The following IFT172 variants were observed in gnomAD, a reference collection of about 807,000 sequenced individuals.
IFT172 encodes intraflagellar transport protein 172 homolog.
A neutral mutation model predicts 248.9 loss-of-function variants in IFT172; 164 were observed. That is an observed-to-expected ratio of 0.66 (90% CI 0.58 to 0.75). The LOEUF is 0.75. IFT172 is among the 30% of genes least tolerant of loss of function. The probability of loss-of-function intolerance (pLI) is 0.00; values close to 1 mark genes in which losing one functional copy is unlikely to be tolerated. For missense variants in IFT172, 1,950 were observed against 2,192.4 expected, an observed-to-expected ratio of 0.89 and a Z score of 2.21; for synonymous variants, 729 against 791.6, an observed-to-expected ratio of 0.92 and a Z score of 1.33.
Position 27,489,743 on chromosome 2 carries a change from T to C in IFT172, c.-90A>G. On this transcript the variant is annotated 5_prime_UTR_variant, in exon 1 of 48. Transcript: ENST00000260570. ...GCCACGCAGCCGCAGCGACAGGCACTGACGCTTATGCGACCGGAGCGCAAC... is the reference window on the plus strand; with the variant it reads ...GCCACGCAGCCGCAGCGACAGGCACCGACGCTTATGCGACCGGAGCGCAAC... 2 of 980,792 alleles carry C rather than the reference T, an allele frequency of 2.0e-6. No individual in the cohort carries two copies. Among genetic ancestry groups the C allele is most frequent in the Non-Finnish European group, 3.2e-6 (2 of 634,110 alleles). 60.8% of individuals were successfully genotyped at this position (980,792 alleles called of 1,614,324 possible).
Position 27,453,652 on chromosome 2 carries a change from C to T in IFT172, c.3799G>A (p.Glu1267Lys). The T allele has an allele frequency of 4.3e-6, 7 of 1,612,338 alleles. No homozygotes were observed. Among genetic ancestry groups the T allele is most frequent in the Non-Finnish European group, 5.9e-6 (7 of 1,179,356 alleles). The part of the protein sequence containing the change: ...LEALQEEYER[E>K]ATKKGARGVE... ...TACCTGGCCCCCTTCTTAGTAGCTT[C>T]CCGCTCATATTCTTCCTGCAGAGCC... Residue 1267 changes from glutamate (E) to lysine (K), a missense_variant, in exon 34 of 48, where the codon GAA (glutamate) becomes AAA (lysine). Physicochemically the swap from Glu to Lys is moderately conservative, Grantham distance 56. This residue lies in a region of IFT172 where 620 missense variants were observed against 699.0 expected (regional missense o/e 0.89). Transcript: ENST00000260570.
intron 15 of IFT172, chr2:27,471,375 T>C (rs1464416387): frequency 3.3e-6 from 1 of 307,532 alleles, no homozygotes; most frequent in African/African-American, 2.2e-5. Context: ...AGTTACCAGC[T>C]TGGATTACAA....
chr2:27,473,330 A>G (rs1429161715), intron 14 of IFT172, among the ~76,000 whole-genome samples: 1 of 142,738 alleles, frequency 7.0e-6, no homozygotes, highest in Non-Finnish European at 1.5e-5. Context: ...AGATCGCGCC[A>G]CTTCACTCCA....
At chr2:27,469,125 G>A (rs1381004750) in intron 16 of IFT172, among the ~76,000 whole-genome samples, 1 of 152,178 alleles carries the variant, frequency 6.6e-6, no homozygotes, top group South Asian at 2.1e-4. Flanking sequence ...TGGGCGCAGT[G>A]GCTCATGTCT....
Position 27,447,760 on chromosome 2 carries a change from C to T in IFT172, c.4539+52G>A, listed in dbSNP as rs117377058. 1.1e-5 allele frequency: 17 copies of T among 1,599,002 alleles called. 1 individual carries two copies. In the East Asian group the frequency reaches 3.8e-4, roughly 36 times the overall value. On this transcript the variant is annotated intron_variant, in intron 41 of 47. Coordinates refer to ENST00000260570, the MANE Select transcript of IFT172 (RefSeq NM_015662.3). ...TCTGAGAATAAAGGTTTATGTGCAT[C>T]AAAGAAGAGATGAGGACAAGGACAG...
Position 27,457,882 on chromosome 2 carries a change from G to A in IFT172, c.3070C>T (p.His1024Tyr), listed in dbSNP as rs1015472885. 1 of 1,614,022 alleles carries A rather than the reference G, an allele frequency of 6.2e-7. No individual in the cohort carries two copies. The highest frequency in any genetic ancestry group is 8.5e-7 in the Non-Finnish European group (1 of 1,180,010). ...TGTGTATCACTGAGGAGATCTGGATGGTGCTTCCCTACCAGGCGGATCATG... is the reference window on the plus strand; with the variant it reads ...TGTGTATCACTGAGGAGATCTGGATAGTGCTTCCCTACCAGGCGGATCATG... ...DDMIRLVGKH[H>Y]PDLLSDTHLH... Residue 1024 changes from histidine to tyrosine, a missense_variant, in exon 28 of 48, where the codon CAT becomes TAT. His to Tyr is a moderately conservative substitution (Grantham distance 83, BLOSUM62 2). This residue lies in a region of IFT172 where 164 missense variants were observed against 239.3 expected (regional missense o/e 0.69). Coordinates refer to ENST00000260570, the MANE Select transcript of IFT172 (RefSeq NM_015662.3).
In IFT172 at chr2:27,454,782, A is replaced by C; in HGVS notation, c.3372-122T>G. On this transcript the variant is annotated intron_variant, in intron 30 of 47. Coordinates refer to ENST00000260570, the MANE Select transcript of IFT172 (RefSeq NM_015662.3). The surrounding 1 kb of genome is among the most constrained non-coding windows in gnomAD (Gnocchi z 4.2). ...AAAGTGACAGATTTAAGGATAACAA[A>C]TATGAAGTGACAGAAAAGCGTGGAG... 1.2e-6 allele frequency: 1 copy of C among 807,548 alleles called. No individual in the cohort carries two copies. The allele number at this position is 807,548 out of a possible 1,614,324, so 50.0% of individuals were successfully genotyped here. A position where few individuals can be genotyped will look rare whatever the true frequency, so the allele number is the denominator to read the frequency against.
chr2:27,480,170 T>C, intron 8 of IFT172, 21 bp from the exon 9 acceptor site: 1 of 1,609,976 alleles, frequency 6.2e-7, no homozygotes. Context: ...GTATGTGGCT[T>C]TTAGAAGAGA....
Position 27,483,344 on chromosome 2 carries a change from G to A in IFT172, c.515C>T (p.Ala172Val). Residue 172 changes from alanine to valine, a missense_variant, in exon 7 of 48, where the codon GCA becomes GTA. Transcript: ENST00000260570. ...GAAATACCTAACGATGGTACCATCTGCATGACCAGAGAGAATTCCTTTCCC... is the reference window on the plus strand; with the variant it reads ...GAAATACCTAACGATGGTACCATCTACATGACCAGAGAGAATTCCTTTCCC... ...CSGKGILSGH[A>V]DGTIVRYFFD... 1 of 1,606,996 alleles carries A rather than the reference G, an allele frequency of 6.2e-7. No individual in the cohort carries two copies.
At chr2:27,446,467 G>T in intron 42 of IFT172, 112 bp from the exon 43 acceptor site, 1 of 889,662 alleles carries the variant, frequency 1.1e-6, no homozygotes, top group Non-Finnish European at 1.8e-6. Context: ...TTATTAAACT[G>T]CTCTGGATTC....
In IFT172 at chr2:27,485,459, A is replaced by G. The variant is rs1230176383; in HGVS notation, c.84T>C (p.Asn28=). Residue 28 remains asparagine (N), a synonymous_variant, in exon 2 of 48, where the codon AAT becomes AAC. Transcript: ENST00000260570. ...KVTCMAWSQN[N]AKFAVCTVDR... is the part of the protein sequence containing the mutation. Reference sequence around the variant, plus strand: ...CCACTGTGCAGACAGCAAATTTGGCATTGTTCTGGGACCAAGCCATGCAGG... The same window carrying G: ...CCACTGTGCAGACAGCAAATTTGGCGTTGTTCTGGGACCAAGCCATGCAGG... The G allele has an allele frequency of 6.2e-7, 1 of 1,614,138 alleles. No homozygotes were observed. The highest frequency in any genetic ancestry group is 8.5e-7 in the Non-Finnish European group (1 of 1,179,968).
rs771040188 is a variant in IFT172 at position 27,465,445 on chromosome 2, C to A, written c.1903G>T (p.Ala635Ser). The A allele has an allele frequency of 6.2e-7, 1 of 1,614,080 alleles. No individual in the cohort carries two copies. The highest frequency in any genetic ancestry group is 1.7e-5 in the Admixed American group (1 of 59,988). ...EAMWKTLSKLALEARQLHIAE... is the reference protein window; with the variant it reads ...EAMWKTLSKLSLEARQLHIAE... Reference sequence around the variant, plus strand: ...ATGTGTAGTTGCCTTGCCTCTAGTGCCAGTTTACTCAAGGTTTTCCACATT... The same window carrying A: ...ATGTGTAGTTGCCTTGCCTCTAGTGACAGTTTACTCAAGGTTTTCCACATT... Residue 635 changes from alanine (A) to serine (S), a missense_variant, in exon 18 of 48, where the codon GCA becomes TCA. Physicochemically the swap from Ala to Ser is moderately conservative, Grantham distance 99. Around this residue, in one of 3 missense-constraint regions of IFT172, gnomAD observed 1,166 missense variants for 1,254.1 expected, o/e 0.93. Coordinates refer to ENST00000260570, the MANE Select transcript of IFT172 (RefSeq NM_015662.3).
At chr2:27,457,079 A>G (rs1426715134) in intron 29 of IFT172, among the ~76,000 whole-genome samples, 2 of 152,006 alleles carry the variant, frequency 1.3e-5, no homozygotes, top group Non-Finnish European at 2.9e-5. Context: ...TAACAGGAAG[A>G]GGGCTAAATT....
intron 26 of IFT172, 101 bp downstream of exon 26, chr2:27,458,678 C>A: frequency 7.3e-7 from 1 of 1,371,494 alleles, no homozygotes; most frequent in South Asian, 1.3e-5. Flanking sequence ...TCTTTGTCAG[C>A]TTTCAGGGAG....
chr2:27,480,786 G>C (rs145645940), intron 8 of IFT172, among the ~76,000 whole-genome samples: 2 of 152,100 alleles, frequency 1.3e-5, no homozygotes, highest in African/African-American at 2.4e-5. Context: ...GGTCTCAAAG[G>C]GGGCAATGGA....
intron 1 of IFT172, among the ~76,000 whole-genome samples, chr2:27,485,950 G>T (rs1668743391): frequency 6.6e-6 from 1 of 152,278 alleles, no homozygotes; most frequent in South Asian, 2.1e-4. Context: ...ATAAGATGGT[G>T]CAAAATAGAA....
chr2:27,483,338 C>T lies in IFT172; in HGVS notation c.521G>A (p.Gly174Asp). ...ATCAAAGAAATACCTAACGATGGTA[C>T]CATCTGCATGACCAGAGAGAATTCC... ...GKGILSGHAD[G>D]TIVRYFFDDE... Residue 174 changes from glycine to aspartate, a missense_variant, in exon 7 of 48, where the codon GGT becomes GAT. Physicochemically the swap from Gly to Asp is moderately conservative, Grantham distance 94. Coordinates refer to ENST00000260570, the MANE Select transcript of IFT172 (RefSeq NM_015662.3). 6.2e-7 allele frequency: 1 copy of T among 1,608,298 alleles called. No homozygotes were observed. The highest frequency in any genetic ancestry group is 2.2e-5 in the East Asian group (1 of 44,844).
At chr2:27,462,862 G>C in intron 19 of IFT172, 69 bp from the exon 20 acceptor site, 2 of 1,461,214 alleles carry the variant, frequency 1.4e-6, no homozygotes, top group South Asian at 2.3e-5. Flanking sequence ...GGCTGAAATT[G>C]GAAGGCCAGA....
intron 16 of IFT172, among the ~76,000 whole-genome samples, chr2:27,468,588 G>A (rs1275500579): frequency 3.3e-5 from 5 of 152,002 alleles, no homozygotes; most frequent in Admixed American, 1.3e-4. Flanking sequence ...GATGGTTAAC[G>A]CCTGTAATCC....
Sources: gnomAD v4.1 joint callset for allele counts (sites outside exome capture counted in the v4.1 genomes callset) on GRCh38, gnomAD v4.1.1 for gene constraint, gnomAD v4.1.1 regional missense constraint, Gnocchi (gnomAD v3.1) non-coding constraint, MANE v1.5 for transcripts, NCBI Gene and HGNC (gene_info 2026-07-23, HGNC 2026-07-21) for gene names.